Variants in ABCA13 observed in about 807,000 individuals in gnomAD.
ABCA13 encodes the protein ATP binding cassette subfamily A member 13.
ABCA13 carries 476 observed loss-of-function variants against 478.7 expected under a neutral mutation model. The ratio of observed to expected loss-of-function variants is 0.99; its 90% CI spans 0.92 to 1.07. The LOEUF (loss-of-function observed/expected upper bound fraction) is 1.07, where lower values mean the gene tolerates loss of function less well. ABCA13 is among the 50% of genes least tolerant of loss of function. The probability of loss-of-function intolerance (pLI) is 0.00; values close to 1 mark genes in which losing one functional copy is unlikely to be tolerated. For synonymous variants in ABCA13, 2,252 were observed against 2,158.9 expected, an observed-to-expected ratio of 1.04 and a Z score of -1.20; for missense variants, 6,060 against 5,910.6, an observed-to-expected ratio of 1.03 and a Z score of -0.83.
At chr7:48,375,732 A>G (rs983808355) in intron 34 of ABCA13, among the ~76,000 whole-genome samples, 5 of 152,078 alleles carry the variant, frequency 3.3e-5, no homozygotes, top group African/African-American at 1.2e-4. Context: ...AGAGTTTTTC[A>G]ATAAGATGTA....
intron 3 of ABCA13, among the ~76,000 whole-genome samples, chr7:48,202,427 C>T (rs1352512639): frequency 6.6e-6 from 1 of 152,102 alleles, no homozygotes; most frequent in Admixed American, 6.5e-5. Flanking sequence ...ACTCACAAAC[C>T]CTGAGCTAGA....
At chr7:48,335,564 A>T in intron 28 of ABCA13, 29 bp downstream of exon 28, 1 of 1,576,068 alleles carries the variant, frequency 6.3e-7, no homozygotes, top group Non-Finnish European at 8.7e-7. Flanking sequence ...CCACCGAGGG[A>T]TGGGGAGCTA....
intron 25 of ABCA13, 134 bp from the exon 26 acceptor site, chr7:48,314,098 G>GCA: frequency 9.4e-7 from 1 of 1,068,532 alleles, no homozygotes; most frequent in African/African-American, 1.6e-5. Context: ...AAACTCTAAA[G>GCA]CAGACATTCC....
chr7:48,470,092 G>A (rs1472874770), intron 44 of ABCA13, among the ~76,000 whole-genome samples: 3 of 152,196 alleles, frequency 2.0e-5, no homozygotes, highest in African/African-American at 7.2e-5. Context: ...CTAAGTCAAA[G>A]TGTATTTTTC....
At chr7:48,433,285 G>C (rs1158979495) in intron 42 of ABCA13, among the ~76,000 whole-genome samples, 1 of 151,582 alleles carries the variant, frequency 6.6e-6, no homozygotes, top group Non-Finnish European at 1.5e-5. Flanking sequence ...TGGTAGATTT[G>C]CACTATGTGA....
intron 15 of ABCA13, among the ~76,000 whole-genome samples, chr7:48,260,610 C>T (rs1056550355): frequency 6.6e-6 from 1 of 151,938 alleles, no homozygotes; most frequent in African/African-American, 2.4e-5. Context: ...TCATGATTTT[C>T]GTTTGACAGT....
At position 48,507,941 on chromosome 7, in the gene ABCA13, C is replaced by T. The variant is rs374213390; in HGVS notation, c.13416C>T (p.Ser4472=). 25 of 1,613,472 alleles carry T rather than the reference C, an allele frequency of 1.5e-5. No homozygotes were observed. Among genetic ancestry groups the T allele is most frequent in the Admixed American group, 8.3e-5 (5 of 59,984 alleles). ...IVLGFSILSA[S]IGSSVVRDRV... ...TGGGATTCTCCATCCTGTCTGCATC[C>T]ATCGGCAGCTCTGTGGTGAGGGACA... Residue 4472 remains serine (S), a synonymous_variant, in exon 50 of 62, where the codon TCC becomes TCT. Coordinates refer to ENST00000435803, the MANE Select transcript of ABCA13 (RefSeq NM_152701.5).
chr7:48,265,942 A>G (rs1794813025), intron 15 of ABCA13, among the ~76,000 whole-genome samples: 1 of 151,652 alleles, frequency 6.6e-6, no homozygotes, highest in South Asian at 2.1e-4. Flanking sequence ...TTTTATTCCT[A>G]CTTTGGCAAG....
chr7:48,318,959 T>G (rs1449362923), intron 27 of ABCA13, among the ~76,000 whole-genome samples: 1 of 152,190 alleles, frequency 6.6e-6, no homozygotes, highest in Non-Finnish European at 1.5e-5. Context: ...TTTAAAGAGC[T>G]CACCCTATTG....
At chr7:48,601,122 C>T (rs574012847) in intron 58 of ABCA13, among the ~76,000 whole-genome samples, 1 of 151,936 alleles carries the variant, frequency 6.6e-6, no homozygotes, top group South Asian at 2.1e-4. Context: ...TGAATTTTTC[C>T]TTAATTTCTT....
At chr7:48,258,939 G>A (rs1488147639) in intron 15 of ABCA13, among the ~76,000 whole-genome samples, 1 of 150,020 alleles carries the variant, frequency 6.7e-6, no homozygotes, top group Non-Finnish European at 1.5e-5. Flanking sequence ...CTTGGCATTA[G>A]TTCCTATTTT....
intron 55 of ABCA13, among the ~76,000 whole-genome samples, chr7:48,567,674 A>G (rs1394890583): frequency 1.3e-5 from 2 of 152,058 alleles, no homozygotes; most frequent in African/African-American, 4.8e-5. Flanking sequence ...CATACATGTA[A>G]CTATCATCAG....
intron 34 of ABCA13, among the ~76,000 whole-genome samples, chr7:48,374,702 G>A (rs1441885102): frequency 6.6e-6 from 1 of 152,146 alleles, no homozygotes; most frequent in African/African-American, 2.4e-5. Context: ...GTCTGGTCTG[G>A]TGAGTGACCT....
At position 48,240,959 on chromosome 7, in the gene ABCA13, A is replaced by G. The variant is rs773678851; in HGVS notation, c.1155A>G (p.Glu385=). The G allele has an allele frequency of 6.8e-6, 11 of 1,613,690 alleles. No individual in the cohort carries two copies. Among genetic ancestry groups the G allele is most frequent in the Non-Finnish European group, 9.3e-6 (11 of 1,179,642 alleles). Residue 385 remains glutamate, a synonymous_variant, in exon 10 of 62, where the codon GAA becomes GAG. Coordinates refer to ENST00000435803, the MANE Select transcript of ABCA13 (RefSeq NM_152701.5). ...AGGCTCTCAGGAATCAGTTTGAAGAAGAGAGCAAGCCCTGGAAGGTGGTGG... is the reference window on the plus strand; with the variant it reads ...AGGCTCTCAGGAATCAGTTTGAAGAGGAGAGCAAGCCCTGGAAGGTGGTGG... ...SLEALRNQFE[E]ESKPWKVVEA... is the part of the protein sequence containing the mutation.
At chr7:48,382,424 T>G (rs1434571233) in intron 35 of ABCA13, among the ~76,000 whole-genome samples, 1 of 152,140 alleles carries the variant, frequency 6.6e-6, no homozygotes, top group Non-Finnish European at 1.5e-5. Context: ...CTCTCTCTAT[T>G]CCCGTTGTGC....
chr7:48,347,392 T>C (rs1325477272), intron 29 of ABCA13, among the ~76,000 whole-genome samples: 2 of 152,220 alleles, frequency 1.3e-5, no homozygotes, highest in Non-Finnish European at 2.9e-5. Flanking sequence ...CACACCCTTG[T>C]ATCCACCCTC....
At position 48,273,628 on chromosome 7, in the gene ABCA13, A is replaced by G; in HGVS notation, c.3962A>G (p.Glu1321Gly). The change falls in exon 17 of 62, where the codon GAA (glutamate) becomes GGA (glycine). Residue 1321 changes from glutamate (E) to glycine (G), a missense_variant. This residue lies in a region of ABCA13 where 4,423 missense variants were observed against 4,309.1 expected (regional missense o/e 1.03). Transcript: ENST00000435803. ...NNLTNYGEKFENIITELREAI... is the reference protein window; with the variant it reads ...NNLTNYGEKFGNIITELREAI... ...CTCACAAATTATGGAGAAAAATTTG[A>G]AAATATCATCACTGAGCTAAGAGAA... is the stretch of plus-strand genomic sequence containing the variant. 6.2e-7 allele frequency: 1 copy of G among 1,603,580 alleles called. No individual in the cohort carries two copies.
chr7:48,233,240 A>G (rs899655488), intron 7 of ABCA13, among the ~76,000 whole-genome samples: 2 of 152,180 alleles, frequency 1.3e-5, no homozygotes, highest in Non-Finnish European at 2.9e-5. Context: ...AAAATGGCTT[A>G]TTAGTGGCTG....
intron 25 of ABCA13, among the ~76,000 whole-genome samples, chr7:48,313,883 G>T (rs56778154): frequency 6.6e-6 from 1 of 152,126 alleles, no homozygotes; most frequent in Non-Finnish European, 1.5e-5. Flanking sequence ...TGGTAGCATA[G>T]ACATACATTA....
Sources: allele counts gnomAD v4.1 joint callset (sites outside exome capture counted in the v4.1 genomes callset), GRCh38; gene constraint gnomAD v4.1.1; regional missense constraint gnomAD v4.1.1; transcripts MANE v1.5; gene names NCBI Gene and HGNC (gene_info 2026-07-23, HGNC 2026-07-21).